The following COL5A2 variants were observed in gnomAD, a reference collection of about 807,000 sequenced individuals.
The protein encoded by COL5A2 is collagen type V alpha 2 chain.
Under a neutral mutation model 208.2 loss-of-function variants are expected in COL5A2, and 23 were observed. The observed-to-expected ratio is 0.11, with a 90% CI of 0.08 to 0.16. The LOEUF (loss-of-function observed/expected upper bound fraction) is 0.16, where lower values mean the gene tolerates loss of function less well. COL5A2 is among the 10% of genes least tolerant of loss of function. COL5A2 has a pLI of 1.00. For missense variants in COL5A2, 1,590 were observed against 1,956.4 expected (o/e 0.81, Z 3.53); for synonymous variants, 625 against 628.5 (o/e 0.99, Z 0.08).
chr2:189,110,185 G>T, intron 2 of COL5A2, 40 bp downstream of exon 2: 2 of 1,367,730 alleles, frequency 1.5e-6, no homozygotes, highest in Non-Finnish European at 2.1e-6. Flanking sequence ...ATAAAGGTGA[G>T]TAACTGGATC....
chr2:189,049,438 A>G lies in COL5A2; in HGVS notation c.3056T>C (p.Val1019Ala). Residue 1019 changes from valine to alanine, a missense_variant, in exon 44 of 54, where the codon GTA becomes GCA. Val to Ala is a moderately conservative substitution (Grantham distance 64). Coordinates refer to ENST00000374866, the MANE Select transcript of COL5A2 (RefSeq NM_000393.5). ...LPGPAGTPGK[V>A]GPTGATGDKG... ...ATCTCCTGTTGCACCAGTTGGTCCT[A>G]CTTTTCCTGGTGTTCCCTGAAATAG... is the stretch of plus-strand genomic sequence containing the variant. 1.9e-6 allele frequency: 3 copies of G among 1,613,258 alleles called. No homozygotes were observed. The highest frequency in any genetic ancestry group is 2.5e-6 in the Non-Finnish European group (3 of 1,179,594).
chr2:189,101,575 G>A (rs781121388), intron 3 of COL5A2, among the ~76,000 whole-genome samples: 2 of 151,962 alleles, frequency 1.3e-5, no homozygotes, highest in Non-Finnish European at 2.9e-5. Flanking sequence ...TAAATTTGTG[G>A]ACTAAAGACA....
chr2:189,111,850 C>T (rs1325039994), intron 1 of COL5A2, among the ~76,000 whole-genome samples: 1 of 151,114 alleles, frequency 6.6e-6, no homozygotes, highest in Non-Finnish European at 1.5e-5. Context: ...TTGTTCATCA[C>T]TGTATTTCTT....
chr2:189,136,121 G>C (rs1408237136), intron 1 of COL5A2, among the ~76,000 whole-genome samples: 1 of 152,182 alleles, frequency 6.6e-6, no homozygotes, highest in Non-Finnish European at 1.5e-5. Context: ...AGCACTGAAA[G>C]TGCAGAAACT....
At chr2:189,365,596 AGGGTT>A in the COL5A2 span, among the ~76,000 whole-genome samples, 1 of 152,186 alleles carries the variant, frequency 6.6e-6, no homozygotes, top group Non-Finnish European at 1.5e-5. Context: ...GGGCAAGGAT[AGGGTT>A]ATCTTATGGC....
the COL5A2 span, chr2:189,311,645 A>C: frequency 1.3e-6 from 1 of 785,674 alleles, no homozygotes; most frequent in Non-Finnish European, 2.2e-6. Context: ...CAAGGACTGG[A>C]CTGTATGTCT....
chr2:189,173,318 C>T (rs1276276605), intron 1 of COL5A2, among the ~76,000 whole-genome samples: 1 of 152,000 alleles, frequency 6.6e-6, no homozygotes, highest in Non-Finnish European at 1.5e-5. Flanking sequence ...AATAATCTTG[C>T]TTTATTGTAA....
At chr2:189,184,438 C>A (rs1457487979), upstream of COL5A2, among the ~76,000 whole-genome samples, 12 of 152,178 alleles carry the variant, frequency 7.9e-5, no homozygotes, top group Non-Finnish European at 1.6e-4. Context: ...GGTCAGAAAT[C>A]TGACATGGAT....
the COL5A2 span, among the ~76,000 whole-genome samples, chr2:189,278,756 A>C: frequency 1.3e-5 from 2 of 151,868 alleles, no homozygotes; most frequent in Non-Finnish European, 2.9e-5. Flanking sequence ...TCTCCATATC[A>C]CTGAACTATT....
chr2:189,283,249 A>C, the COL5A2 span, among the ~76,000 whole-genome samples: 61 of 152,036 alleles, frequency 4.0e-4, no homozygotes, highest in Non-Finnish European at 8.1e-4. Context: ...GAAAAAAGGG[A>C]AGAAGGAGAG....
chr2:189,326,879 T>C, the COL5A2 span, among the ~76,000 whole-genome samples: 1 of 151,988 alleles, frequency 6.6e-6, no homozygotes, highest in Non-Finnish European at 1.5e-5. Context: ...AAGACCAGCC[T>C]GTCCAGCATG....
At chr2:189,410,596 A>C in the COL5A2 span, among the ~76,000 whole-genome samples, 7 of 152,102 alleles carry the variant, frequency 4.6e-5, no homozygotes, top group Admixed American at 1.3e-4. Flanking sequence ...ATTATCAAAT[A>C]AACACTAATA....
At chr2:189,062,985 T>C in intron 28 of COL5A2, 25 bp downstream of exon 28, 2 of 1,614,098 alleles carry the variant, frequency 1.2e-6, no homozygotes, top group Non-Finnish European at 1.7e-6. Context: ...ACATTATTTT[T>C]CTTTAGCAGA....
the COL5A2 span, among the ~76,000 whole-genome samples, chr2:189,355,610 T>C: frequency 6.6e-6 from 1 of 152,174 alleles, no homozygotes; most frequent in Non-Finnish European, 1.5e-5. Context: ...ACTCCTGCCT[T>C]TTCTTGGTTT....
the COL5A2 span, among the ~76,000 whole-genome samples, chr2:189,401,418 G>A: frequency 0.017 from 2,570 of 152,264 alleles, 74 homozygotes; most frequent in African/African-American, 0.059. Context: ...TGGCTGAATG[G>A]TATTCCATGG....
chr2:189,436,287 G>A, the COL5A2 span, among the ~76,000 whole-genome samples: 10 of 152,214 alleles, frequency 6.6e-5, no homozygotes, highest in Non-Finnish European at 1.3e-4. Context: ...TGACAAATGG[G>A]ATCTAATTAA....
chr2:189,310,982 ATTAG>A, the COL5A2 span, among the ~76,000 whole-genome samples: 1 of 152,006 alleles, frequency 6.6e-6, no homozygotes, highest in Non-Finnish European at 1.5e-5. Flanking sequence ...ACAAAAAAAA[ATTAG>A]TTAGGAGTGG....
At chr2:189,172,391 A>T (rs1688588980) in intron 1 of COL5A2, among the ~76,000 whole-genome samples, 1 of 152,198 alleles carries the variant, frequency 6.6e-6, no homozygotes, top group South Asian at 2.1e-4. Context: ...AAAATACACC[A>T]CTAGGGTTTA....
intron 1 of COL5A2, among the ~76,000 whole-genome samples, chr2:189,216,807 G>T (rs561536292): frequency 6.6e-6 from 1 of 152,250 alleles, no homozygotes; most frequent in East Asian, 1.9e-4. Context: ...CCTCAACATT[G>T]TCTTTGGACA....
Sources: gnomAD v4.1 joint callset for allele counts (sites outside exome capture counted in the v4.1 genomes callset) on GRCh38, gnomAD v4.1.1 for gene constraint, MANE v1.5 for transcripts, NCBI Gene and HGNC (gene_info 2026-07-23, HGNC 2026-07-21) for gene names.